TMEM40: variants seen among roughly 807,000 people sequenced by gnomAD.
TMEM40 encodes transmembrane protein 40.
Under a neutral mutation model 40.8 loss-of-function variants are expected in TMEM40, and 34 were observed. That is an observed-to-expected ratio of 0.83 (90% CI 0.63 to 1.11). TMEM40 has a LOEUF of 1.11. Ranked by LOEUF, TMEM40 falls within the 50% of genes least tolerant of loss-of-function variation. TMEM40 has a pLI of 0.00. For missense variants in TMEM40, 296 were observed against 280.2 expected, an observed-to-expected ratio of 1.06 and a Z score of -0.40; for synonymous variants, 106 against 107.0, an observed-to-expected ratio of 0.99 and a Z score of 0.06.
At chr3:12,749,658 C>T in intron 2 of TMEM40, 102 bp downstream of exon 2, 3 of 1,000,382 alleles carry the variant, frequency 3.0e-6, no homozygotes, top group East Asian at 2.4e-5. Context: ...GATTTGAGGC[C>T]CTGTGCAACG....
chr3:12,760,595 T>C (rs771748253), upstream of TMEM40, among the ~76,000 whole-genome samples: 29 of 152,148 alleles, frequency 1.9e-4, no homozygotes, highest in Non-Finnish European at 2.9e-4. Context: ...CCATCCTGCT[T>C]AAAGTAGTAA....
intron 7 of TMEM40, 60 bp downstream of exon 7, chr3:12,738,076 C>G: frequency 6.2e-7 from 1 of 1,604,606 alleles, no homozygotes; most frequent in South Asian, 1.1e-5. Flanking sequence ...TCTGAGGACC[C>G]AACCCATCGT....
chr3:12,769,183 C>A, intron 1 of TMEM40: 1 of 329,778 alleles, frequency 3.0e-6, no homozygotes, highest in Non-Finnish European at 6.6e-6. Context: ...CAAGCCCACC[C>A]GGAACTGTAG....
At chr3:12,749,701 A>G in intron 2 of TMEM40, 59 bp downstream of exon 2, 1 of 1,507,810 alleles carries the variant, frequency 6.6e-7, no homozygotes. Context: ...TGTCCCTTCT[A>G]CTTTTGGACT....
intron 1 of TMEM40, among the ~76,000 whole-genome samples, chr3:12,768,315 G>C (rs1158979762): frequency 6.6e-6 from 1 of 152,172 alleles, no homozygotes; most frequent in African/African-American, 2.4e-5. Flanking sequence ...AGCTTCCACA[G>C]TGTGAAAGGT....
chr3:12,746,353 G>A (rs2061428399), intron 3 of TMEM40, among the ~76,000 whole-genome samples: 1 of 152,182 alleles, frequency 6.6e-6, no homozygotes, highest in Non-Finnish European at 1.5e-5. Context: ...AATATGTTTT[G>A]GGTGGTTATC....
intron 1 of TMEM40, among the ~76,000 whole-genome samples, chr3:12,768,258 G>T (rs142803873): frequency 3.3e-5 from 5 of 152,128 alleles, no homozygotes; most frequent in African/African-American, 1.2e-4. Context: ...CGTGGTGAGT[G>T]TTACAACTAC....
At chr3:12,756,991 C>T (rs1009330073) in intron 1 of TMEM40, among the ~76,000 whole-genome samples, 1 of 152,198 alleles carries the variant, frequency 6.6e-6, no homozygotes, top group Admixed American at 6.5e-5. Flanking sequence ...GCCTCTACCC[C>T]TCACTGACTC....
At chr3:12,747,128 A>AT (rs1284010325) in intron 3 of TMEM40, among the ~76,000 whole-genome samples, 1 of 151,168 alleles carries the variant, frequency 6.6e-6, no homozygotes, top group Non-Finnish European at 1.5e-5. Flanking sequence ...ATGATCATTG[A>AT]TTTTGTGGCT....
chr3:12,762,772 A>AC (rs983503529), upstream of TMEM40, among the ~76,000 whole-genome samples: 85 of 152,242 alleles, frequency 5.6e-4, no homozygotes, highest in African/African-American at 1.9e-3. Flanking sequence ...AAATTCTCAG[A>AC]CCCCATCCCG....
chr3:12,741,757 GT>G (rs1008934543), intron 5 of TMEM40, among the ~76,000 whole-genome samples: 1 of 121,436 alleles, frequency 8.2e-6, no homozygotes, highest in African/African-American at 3.6e-5. Context: ...GATTATACTT[GT>G]TTTTGTAACA....
chr3:12,743,773 C>T (rs1238932538), intron 4 of TMEM40, 127 bp downstream of exon 4: 3 of 835,786 alleles, frequency 3.6e-6, no homozygotes, highest in Non-Finnish European at 5.6e-6. Context: ...TATTCTGCTG[C>T]TGTCAGGCTA....
chr3:12,765,133 A>G (rs1559537018), intron 1 of TMEM40, among the ~76,000 whole-genome samples: 2 of 152,330 alleles, frequency 1.3e-5, no homozygotes, highest in East Asian at 3.9e-4. Flanking sequence ...CTGGGATTAC[A>G]GGCATGAGCC....
intron 3 of TMEM40, among the ~76,000 whole-genome samples, chr3:12,747,910 CAAAAA>C (rs747586371): frequency 2.9e-4 from 8 of 27,580 alleles, no homozygotes; most frequent in African/African-American, 6.6e-4. Flanking sequence ...GATTCTGTCT[CAAAAA>C]AAAAAAAAAA....
intron 1 of TMEM40, among the ~76,000 whole-genome samples, chr3:12,754,207 G>A (rs934354368): frequency 1.4e-4 from 21 of 152,156 alleles, no homozygotes; most frequent in Non-Finnish European, 2.6e-4. Flanking sequence ...AGCTACTCGG[G>A]AGGCTGAGGA....
At chr3:12,768,938 G>GT in intron 1 of TMEM40, among the ~76,000 whole-genome samples, 1 of 39,346 alleles carries the variant, frequency 2.5e-5, no homozygotes, top group African/African-American at 7.9e-5. Flanking sequence ...GCGGGGCGGG[G>GT]GGGGCGGGGG....
chr3:12,753,944 C>T (rs1171507604), intron 1 of TMEM40, among the ~76,000 whole-genome samples: 2 of 152,146 alleles, frequency 1.3e-5, no homozygotes, highest in Non-Finnish European at 2.9e-5. Context: ...ACTCTCCTCT[C>T]CCAGCTCTCT....
rs111643885 is a variant in TMEM40 at position 12,745,163 on chromosome 3, G to A, written c.212-1174C>T. ...CAACCTCCACCTCCCAGGCACAAGC[G>A]ATTCTCTTGTCTCAGCCTCCTAAGT... On this transcript the variant is annotated intron_variant, in intron 3 of 11. Transcript: ENST00000314124. Among the ~76,000 whole-genome samples, 5 of 151,636 alleles carry A rather than the reference G, an allele frequency of 3.3e-5. 1 individual carries two copies. Among genetic ancestry groups the A allele is most frequent in the South Asian group, 2.1e-4 (1 of 4,802 alleles).
intron 2 of TMEM40, among the ~76,000 whole-genome samples, chr3:12,749,286 A>G (rs2061454716): frequency 6.6e-6 from 1 of 152,094 alleles, no homozygotes; most frequent in African/African-American, 2.4e-5. Flanking sequence ...GGCCTCCCAA[A>G]GTGCTGGGAT....
Sources: allele counts gnomAD v4.1 joint callset (sites outside exome capture counted in the v4.1 genomes callset), GRCh38; gene constraint gnomAD v4.1.1; transcripts MANE v1.5; gene names NCBI Gene and HGNC (gene_info 2026-07-23, HGNC 2026-07-21).